CHN1: variants seen among roughly 807,000 people sequenced by gnomAD.
CHN1 encodes N-chimaerin.
In CHN1, 37 loss-of-function variants were observed where a neutral mutation model predicts 59.5. The ratio of observed to expected loss-of-function variants is 0.62; its 90% CI spans 0.48 to 0.82. CHN1 has a LOEUF of 0.82. Among genes scored for constraint, CHN1 ranks in the 40% least tolerant of loss-of-function variants. CHN1 has a pLI of 0.00. For synonymous variants in CHN1, 206 were observed against 200.4 expected, an observed-to-expected ratio of 1.03 and a Z score of -0.24; for missense variants, 469 against 571.0, an observed-to-expected ratio of 0.82 and a Z score of 1.82.
intron 3 of CHN1, among the ~76,000 whole-genome samples, chr2:174,931,842 A>G (rs1403920040): frequency 1.3e-5 from 2 of 152,190 alleles, no homozygotes; most frequent in African/African-American, 2.4e-5. Flanking sequence ...CAGAAAGAGA[A>G]GTCAGCGGGA....
chr2:174,863,874 T>G (rs551114481), intron 6 of CHN1, among the ~76,000 whole-genome samples: 2 of 152,300 alleles, frequency 1.3e-5, no homozygotes, highest in South Asian at 4.1e-4. Context: ...GTGAGAACAC[T>G]GATCGTCAGC....
intron 8 of CHN1, among the ~76,000 whole-genome samples, chr2:174,815,943 C>T (rs1685239824): frequency 6.6e-6 from 1 of 152,116 alleles, no homozygotes; most frequent in South Asian, 2.1e-4. Context: ...TACTGCAGTG[C>T]TATTGTGCCT....
intron 1 of CHN1, among the ~76,000 whole-genome samples, chr2:174,958,857 C>T (rs1234771694): frequency 6.6e-6 from 1 of 152,116 alleles, no homozygotes; most frequent in Admixed American, 6.5e-5. Flanking sequence ...ACAATATTAC[C>T]ATATTAGCCT....
At chr2:174,820,368 G>A (rs1685442385) in intron 8 of CHN1, among the ~76,000 whole-genome samples, 1 of 152,186 alleles carries the variant, frequency 6.6e-6, no homozygotes, top group African/African-American at 2.4e-5. Flanking sequence ...ATTCTAACTG[G>A]TATGAGATGG....
At chr2:174,906,907 G>GA (rs1015432639) in intron 5 of CHN1, among the ~76,000 whole-genome samples, 1 of 152,030 alleles carries the variant, frequency 6.6e-6, no homozygotes, top group African/African-American at 2.4e-5. Context: ...TAAAAGGGGG[G>GA]AAAAAATGAG....
chr2:175,002,673 A>C (rs1691927858), intron 1 of CHN1, among the ~76,000 whole-genome samples: 1 of 152,198 alleles, frequency 6.6e-6, no homozygotes, highest in African/African-American at 2.4e-5. Flanking sequence ...GATACAAAAG[A>C]TAGGGCCCTG....
chr2:174,811,584 A>T lies in CHN1; in HGVS notation c.891T>A (p.Leu297=). 1 of 1,594,308 alleles carries T rather than the reference A, an allele frequency of 6.3e-7. No individual in the cohort carries two copies. Among genetic ancestry groups the T allele is most frequent in the East Asian group, 2.2e-5 (1 of 44,570 alleles). The change falls in exon 10 of 13, where the codon CTT becomes CTA. Residue 297 remains leucine (L), a synonymous_variant. Transcript: ENST00000409900. ...ATACTCGGTATAGTCCTTCAGAATT[A>T]AGACCTGAAAAATAAAACTAGTTAG... ...MCIREIESRG[L]NSEGLYRVSG... is the part of the protein sequence containing the mutation.
In CHN1 at chr2:174,845,362, A is replaced by T. The variant is rs1369917350; in HGVS notation, c.627+1518T>A. On this transcript the variant is annotated intron_variant, in intron 7 of 12. Transcript: ENST00000409900. Reference sequence around the variant, plus strand: ...AAGACTTCTTTTTTGACATAACTTCATATTGGCAAAAGGATTTATTTGGGG... The same window carrying T: ...AAGACTTCTTTTTTGACATAACTTCTTATTGGCAAAAGGATTTATTTGGGG... Among the ~76,000 whole-genome samples the T allele has an allele frequency of 2.0e-5, 3 of 152,228 alleles. No individual in the cohort carries two copies. The East Asian group carries it at 5.8e-4, about 29-fold the overall frequency.
At chr2:174,878,534 A>G (rs1687643385) in intron 5 of CHN1, among the ~76,000 whole-genome samples, 1 of 152,250 alleles carries the variant, frequency 6.6e-6, no homozygotes, top group Non-Finnish European at 1.5e-5. Flanking sequence ...CAATAAGAAT[A>G]TTCAATGTAC....
chr2:174,947,863 C>T (rs1270814175), intron 2 of CHN1, among the ~76,000 whole-genome samples: 1 of 152,064 alleles, frequency 6.6e-6, no homozygotes, highest in African/African-American at 2.4e-5. Flanking sequence ...AAAAGTTATA[C>T]AAAGTAATGA....
Position 174,800,172 on chromosome 2 carries a change from G to A in CHN1, c.1324C>T (p.Arg442Trp), listed in dbSNP as rs1163533555. The part of the protein sequence containing the change: ...LDAMAALNDI[R>W]YQRLVVELLI... Reference sequence around the variant, plus strand: ...AGCTCCACCACCAGTCTCTGATACCGTATATCATTCAATGCAGCCATGGCG... The same window carrying A: ...AGCTCCACCACCAGTCTCTGATACCATATATCATTCAATGCAGCCATGGCG... The change falls in exon 13 of 13, where the codon CGG becomes TGG. Residue 442 changes from arginine to tryptophan, a missense_variant. Physicochemically the swap from Arg to Trp is moderately radical, Grantham distance 101. Coordinates refer to ENST00000409900, the MANE Select transcript of CHN1 (RefSeq NM_001822.7). 17 of 1,542,378 alleles carry A rather than the reference G, an allele frequency of 1.1e-5. No homozygotes were observed. The highest frequency in any genetic ancestry group is 1.3e-5 in the South Asian group (1 of 75,166).
At chr2:174,975,362 A>G (rs1055060667) in intron 1 of CHN1, among the ~76,000 whole-genome samples, 4 of 152,154 alleles carry the variant, frequency 2.6e-5, no homozygotes, top group African/African-American at 9.7e-5. Flanking sequence ...GTATTCTTTC[A>G]TCTAAATTCA....
intron 1 of CHN1, among the ~76,000 whole-genome samples, chr2:174,971,269 G>C (rs914864503): frequency 2.0e-5 from 3 of 152,300 alleles, no homozygotes; most frequent in African/African-American, 7.2e-5. Flanking sequence ...AGTGAGCCGA[G>C]ATCGTGCCAC....
At chr2:174,862,023 C>T (rs1431709198) in intron 6 of CHN1, among the ~76,000 whole-genome samples, 1 of 152,160 alleles carries the variant, frequency 6.6e-6, no homozygotes, top group Non-Finnish European at 1.5e-5. Context: ...AGTCTGATCA[C>T]TTTTCCTCCT....
chr2:174,843,807 C>T (rs1686399188), intron 7 of CHN1, among the ~76,000 whole-genome samples: 1 of 151,944 alleles, frequency 6.6e-6, no homozygotes, highest in South Asian at 2.1e-4. Context: ...AGAGATTAAG[C>T]AATTGACCCA....
At chr2:174,900,328 C>T (rs1688347585) in intron 5 of CHN1, among the ~76,000 whole-genome samples, 1 of 151,978 alleles carries the variant, frequency 6.6e-6, no homozygotes, top group South Asian at 2.1e-4. Flanking sequence ...CCTGGTGGCA[C>T]CCTGTCTCTA....
intron 12 of CHN1, 55 bp downstream of exon 12, chr2:174,801,652 T>C: frequency 1.6e-6 from 2 of 1,239,528 alleles, no homozygotes; most frequent in Non-Finnish European, 2.3e-6. Context: ...TCATTTCATT[T>C]TGTCCTTAAA....
At chr2:174,823,778 C>A (rs1331750057) in intron 8 of CHN1, among the ~76,000 whole-genome samples, 1 of 152,094 alleles carries the variant, frequency 6.6e-6, no homozygotes, top group African/African-American at 2.4e-5. Context: ...CACAAAGTAT[C>A]TCAAATACAT....
At chr2:174,864,258 G>A (rs1241609873) in intron 6 of CHN1, among the ~76,000 whole-genome samples, 3 of 152,194 alleles carry the variant, frequency 2.0e-5, no homozygotes, top group East Asian at 1.9e-4. Flanking sequence ...TATTTGGGAG[G>A]TGACTGTCAA....
Sources: allele counts gnomAD v4.1 joint callset (sites outside exome capture counted in the v4.1 genomes callset), GRCh38; gene constraint gnomAD v4.1.1; transcripts MANE v1.5; gene names NCBI Gene and HGNC (gene_info 2026-07-23, HGNC 2026-07-21).